Variants in STPG2 observed in about 807,000 individuals in gnomAD.
STPG2 encodes the protein sperm tail PG-rich repeat containing 2.
A neutral mutation model predicts 54.2 loss-of-function variants in STPG2; 56 were observed. That is an observed-to-expected ratio of 1.03 (90% CI 0.83 to 1.29). The LOEUF (loss-of-function observed/expected upper bound fraction) is 1.29, where lower values mean the gene tolerates loss of function less well. Among genes scored for constraint, STPG2 ranks in the 50% most tolerant of loss-of-function variants. The pLI, the probability that STPG2 is intolerant of heterozygous loss-of-function variation, is 0.00. For missense variants in STPG2, 596 were observed against 544.9 expected (o/e 1.09, Z -0.93); for synonymous variants, 200 against 181.8 (o/e 1.10, Z -0.81).
chr4:97,840,607 T>C (rs1728767466), intron 9 of STPG2, among the ~76,000 whole-genome samples, 166 bp downstream of exon 9: 1 of 151,712 alleles, frequency 6.6e-6, no homozygotes, highest in Non-Finnish European at 1.5e-5. Context: ...TAATGTTGTT[T>C]AGTTCAATGT....
intron 8 of STPG2, among the ~76,000 whole-genome samples, chr4:97,898,554 A>C (rs1386781391): frequency 6.6e-6 from 1 of 151,706 alleles, no homozygotes; most frequent in Non-Finnish European, 1.5e-5. Context: ...TGAAAATATC[A>C]ATATCTCGAA....
intron 8 of STPG2, among the ~76,000 whole-genome samples, chr4:97,842,052 G>A (rs930385481): frequency 6.6e-6 from 1 of 151,738 alleles, no homozygotes; most frequent in Admixed American, 6.6e-5. Flanking sequence ...TACTTTTGAA[G>A]TCCCTCTAGG....
intron 3 of STPG2, among the ~76,000 whole-genome samples, chr4:98,112,948 C>T (rs1285941623): frequency 2.0e-5 from 3 of 150,838 alleles, no homozygotes; most frequent in East Asian, 3.9e-4. Flanking sequence ...ACTGGGTTTG[C>T]GTTCTAACAC....
chr4:97,759,432 G>A (rs1458889919), intron 9 of STPG2, among the ~76,000 whole-genome samples: 1 of 152,102 alleles, frequency 6.6e-6, no homozygotes, highest in African/African-American at 2.4e-5. Context: ...TAAATTCTAT[G>A]TTTTAACCAA....
At chr4:97,677,915 C>G (rs1195087354) in intron 10 of STPG2, among the ~76,000 whole-genome samples, 1 of 152,044 alleles carries the variant, frequency 6.6e-6, no homozygotes, top group Non-Finnish European at 1.5e-5. Flanking sequence ...TAGGTATTTT[C>G]AAGATTAGGA....
chr4:97,709,536 T>G (rs1013782471), intron 10 of STPG2, among the ~76,000 whole-genome samples: 3 of 151,504 alleles, frequency 2.0e-5, no homozygotes, highest in Non-Finnish European at 4.4e-5. Context: ...TTCAGCAGAA[T>G]TTTTGCTTTT....
intron 8 of STPG2, among the ~76,000 whole-genome samples, chr4:97,905,972 C>G (rs1206355393): frequency 1.3e-5 from 2 of 151,958 alleles, no homozygotes; most frequent in African/African-American, 2.4e-5. Context: ...AAAGCAAGAG[C>G]AAACACATTC....
At chr4:97,778,238 C>T (rs753935899) in intron 9 of STPG2, among the ~76,000 whole-genome samples, 6 of 152,142 alleles carry the variant, frequency 3.9e-5, no homozygotes, top group East Asian at 1.9e-4. Flanking sequence ...TTCCAATGGT[C>T]GTAGCAAAGG....
chr4:97,647,930 G>A (rs528580297), intron 10 of STPG2, among the ~76,000 whole-genome samples: 63 of 152,194 alleles, frequency 4.1e-4, no homozygotes, highest in Non-Finnish European at 8.5e-4. Context: ...GGATAGGCAA[G>A]ACCCTTGGGC....
At chr4:98,082,570 G>C (rs1738381200) in intron 5 of STPG2, among the ~76,000 whole-genome samples, 1 of 143,410 alleles carries the variant, frequency 7.0e-6, no homozygotes, top group South Asian at 2.3e-4. Flanking sequence ...TCCTGCCTCA[G>C]CTCCCCGAGT....
intron 8 of STPG2, among the ~76,000 whole-genome samples, chr4:97,850,079 T>A (rs982160406): frequency 4.6e-5 from 7 of 151,432 alleles, no homozygotes; most frequent in Non-Finnish European, 1.0e-4. Flanking sequence ...CATCATGGAA[T>A]ACTATGCAGC....
chr4:97,676,617 A>G (rs1307156260), intron 10 of STPG2, among the ~76,000 whole-genome samples: 1 of 151,816 alleles, frequency 6.6e-6, no homozygotes, highest in African/African-American at 2.4e-5. Flanking sequence ...GCAAGACTGT[A>G]TTAGATTAAA....
At chr4:98,078,446 C>T (rs1161470197) in intron 5 of STPG2, among the ~76,000 whole-genome samples, 3 of 151,798 alleles carry the variant, frequency 2.0e-5, no homozygotes, top group Non-Finnish European at 4.4e-5. Flanking sequence ...CAATATTCTA[C>T]AGTATTATGT....
At chr4:97,740,462 C>A (rs1017461545) in intron 9 of STPG2, among the ~76,000 whole-genome samples, 5 of 151,924 alleles carry the variant, frequency 3.3e-5, no homozygotes, top group Non-Finnish European at 5.9e-5. Context: ...TCTAGAAAAC[C>A]CCATTGTCTC....
At chr4:97,878,617 T>C (rs1184366145) in intron 8 of STPG2, among the ~76,000 whole-genome samples, 1 of 152,150 alleles carries the variant, frequency 6.6e-6, no homozygotes, top group African/African-American at 2.4e-5. Flanking sequence ...ACCAAGTCCC[T>C]AGGCACACAG....
At chr4:97,860,473 T>TTTTATTTTAC (rs1729486251) in intron 8 of STPG2, among the ~76,000 whole-genome samples, 1 of 27,128 alleles carries the variant, frequency 3.7e-5, no homozygotes, top group Non-Finnish European at 6.9e-5. Flanking sequence ...CTAAGTTTTA[T>TTTTATTTTAC]TTTATTTTAT....
intron 4 of STPG2, chr4:97,441,414 TAGAAG>T: frequency 1.3e-5 from 2 of 152,024 alleles, no homozygotes; most frequent in East Asian, 1.9e-4. Context: ...CTCTAGATGT[TAGAAG>T]AGCAATTATG....
chr4:97,624,730 C>T (rs1734096272), intron 10 of STPG2, among the ~76,000 whole-genome samples: 1 of 152,088 alleles, frequency 6.6e-6, no homozygotes. Flanking sequence ...CTGAAATTGT[C>T]TTCTAGGGCT....
chr4:97,658,926 T>C (rs1722295271), intron 10 of STPG2, among the ~76,000 whole-genome samples: 1 of 152,198 alleles, frequency 6.6e-6, no homozygotes, highest in Non-Finnish European at 1.5e-5. Context: ...TACAGTTCTC[T>C]GTCCCTATTA....
Sources: allele counts gnomAD v4.1 joint callset (sites outside exome capture counted in the v4.1 genomes callset), GRCh38; gene constraint gnomAD v4.1.1; transcripts MANE v1.5; gene names NCBI Gene and HGNC (gene_info 2026-07-23, HGNC 2026-07-21).